Variants in NUP153 observed in about 807,000 individuals in gnomAD.
The protein encoded by NUP153 is nucleoporin 153.
In NUP153, 27 loss-of-function variants were observed where a neutral mutation model predicts 134.6. That is an observed-to-expected ratio of 0.20 (90% CI 0.15 to 0.28). The LOEUF is 0.28. Ranked by LOEUF, NUP153 falls within the 10% of genes least tolerant of loss-of-function variation. The probability of loss-of-function intolerance (pLI) is 1.00; values close to 1 mark genes in which losing one functional copy is unlikely to be tolerated. For missense variants in NUP153, 1,821 were observed against 1,731.3 expected (o/e 1.05, Z -0.92); for synonymous variants, 640 against 623.5 (o/e 1.03, Z -0.40).
chr6:17,678,352 CAAAAA>C (rs11428582), intron 2 of NUP153, among the ~76,000 whole-genome samples: 36 of 68,222 alleles, frequency 5.3e-4, no homozygotes, highest in East Asian at 2.6e-3. Flanking sequence ...CCCTCTGTCT[CAAAAA>C]AAAAAAAAAA....
intron 20 of NUP153, among the ~76,000 whole-genome samples, chr6:17,622,392 C>T (rs182564039): frequency 1.8e-4 from 27 of 152,260 alleles, no homozygotes; most frequent in Admixed American, 1.8e-3. Flanking sequence ...TTGAGCCCAG[C>T]AGGTTGAGGC....
rs369334821 is a variant in NUP153 at position 17,629,067 on chromosome 6, G to C, written c.3132C>G (p.Asn1044Lys). Reference sequence around the variant, plus strand: ...TGGTTCCAAGGTTGAAGCTGCTCTTGTTCTCAGAGGTCACTATGGTGTTAG... The same window carrying C: ...TGGTTCCAAGGTTGAAGCTGCTCTTCTTCTCAGAGGTCACTATGGTGTTAG... Reference protein sequence around the residue: ...APANTIVTSENKSSFNLGTIE... With the variant: ...APANTIVTSEKKSSFNLGTIE... Residue 1044 changes from asparagine to lysine, a missense_variant, in exon 18 of 22, where the codon AAC becomes AAG. Transcript: ENST00000262077. 1.2e-5 allele frequency: 19 copies of C among 1,614,100 alleles called. No individual in the cohort carries two copies. Among genetic ancestry groups the C allele is most frequent in the Middle Eastern group, 1.6e-4 (1 of 6,084 alleles).
rs201371877 is a variant in NUP153 at position 17,634,106 on chromosome 6, A to AC, written c.2465-1263dup. Among the ~76,000 whole-genome samples, 1,147 of 144,844 alleles carry AC rather than the reference A, an allele frequency of 7.9e-3. 6 individuals carry two copies. Among genetic ancestry groups the AC allele is most frequent in the South Asian group, 0.012 (51 of 4,416 alleles). On this transcript the variant is annotated intron_variant, in intron 16 of 21. Coordinates refer to ENST00000262077, the MANE Select transcript of NUP153 (RefSeq NM_005124.4). ...CTTCTACTGCTATTCTGGTTCATGAACCCCCCCCATTACTCCCACCACTAA... is the reference window on the plus strand; with the variant it reads ...CTTCTACTGCTATTCTGGTTCATGAACCCCCCCCCATTACTCCCACCACTAA...
At chr6:17,645,016 C>G (rs562029381) in intron 14 of NUP153, among the ~76,000 whole-genome samples, 1 of 151,890 alleles carries the variant, frequency 6.6e-6, no homozygotes, top group South Asian at 2.1e-4. Context: ...ACCTGGGAGG[C>G]GGAGGTTGCA....
chr6:17,669,045 A>G lies in NUP153; in HGVS notation c.1015-17T>C, dbSNP rs759278619. ...ATCAAGAGGCTGAAAAAAAAAAAAAACACTATTAGAATAGATGGGGAGTTA... is the reference window on the plus strand; with the variant it reads ...ATCAAGAGGCTGAAAAAAAAAAAAAGCACTATTAGAATAGATGGGGAGTTA... On this transcript the variant is annotated splice_polypyrimidine_tract_variant and intron_variant, in intron 7 of 21. Coordinates refer to ENST00000262077, the MANE Select transcript of NUP153 (RefSeq NM_005124.4). 7.6e-6 allele frequency: 11 copies of G among 1,452,896 alleles called. No homozygotes were observed. The Admixed American group carries it at 1.0e-4, about 13-fold the overall frequency. The allele number at this position is 1,452,896 out of a possible 1,614,324, so 90.0% of individuals were successfully genotyped here.
intron 8 of NUP153, among the ~76,000 whole-genome samples, chr6:17,668,527 G>A (rs1193412826): frequency 6.6e-6 from 1 of 152,068 alleles, no homozygotes; most frequent in Non-Finnish European, 1.5e-5. Flanking sequence ...GCAGAAGAGA[G>A]TAAAATGTCC....
chr6:17,618,715 G>A (rs558559032), intron 20 of NUP153, among the ~76,000 whole-genome samples: 8 of 152,042 alleles, frequency 5.3e-5, no homozygotes, highest in East Asian at 3.9e-4. Flanking sequence ...ACAGGCGCCC[G>A]CCACCACGCC....
At position 17,674,984 on chromosome 6, in the gene NUP153, G is replaced by C; in HGVS notation, c.773C>G (p.Pro258Arg). The change falls in exon 5 of 22, where the codon CCT becomes CGT. Residue 258 changes from proline (P) to arginine (R), a missense_variant. Pro to Arg is a moderately radical substitution (Grantham distance 103). Transcript: ENST00000262077. ...GTATGTTGTTTTTCCAGGATAAAAA[G>C]GAGAATCTCCAAGCTGACTGGTTTT... The part of the protein sequence containing the change: ...ILKTSQLGDS[P>R]FYPGKTTYGG... The C allele has an allele frequency of 1.2e-6, 2 of 1,613,444 alleles. No individual in the cohort carries two copies. Among genetic ancestry groups the C allele is most frequent in the Non-Finnish European group, 1.7e-6 (2 of 1,179,582 alleles).
intron 8 of NUP153, 119 bp from the exon 9 acceptor site, chr6:17,665,504 A>T (rs2113821451): frequency 1.4e-6 from 1 of 724,368 alleles, no homozygotes; most frequent in South Asian, 2.0e-5. Context: ...AGAAATATAC[A>T]GTAGATACAA....
intron 21 of NUP153, 52 bp downstream of exon 21, chr6:17,616,475 G>T (rs999539352): frequency 2.0e-6 from 3 of 1,479,214 alleles, no homozygotes; most frequent in African/African-American, 2.8e-5. Context: ...ACATATACAT[G>T]CACATACCCT....
intron 1 of NUP153, among the ~76,000 whole-genome samples, chr6:17,689,632 GTTCAATGGA>G (rs1769161185): frequency 6.6e-6 from 1 of 151,488 alleles, no homozygotes; most frequent in South Asian, 2.1e-4. Context: ...CGCCTCCTGG[GTTCAATGGA>G]TTCTCCTGCC....
chr6:17,701,871 T>C (rs1195718632), intron 1 of NUP153, among the ~76,000 whole-genome samples: 1 of 144,358 alleles, frequency 6.9e-6, no homozygotes, highest in African/African-American at 2.6e-5. Flanking sequence ...GGAACTGACT[T>C]GTAAGACAAA....
In NUP153 at chr6:17,618,756, TG is replaced by T. The variant is rs1020657233; in HGVS notation, c.4175-2062del. Among the ~76,000 whole-genome samples, 14 of 152,110 alleles carry T rather than the reference TG, an allele frequency of 9.2e-5. No homozygotes were observed. The East Asian group carries it at 9.7e-4, about 11-fold the overall frequency. ...AATTTTTTGTATTTCTTAGTAGAGA[TG>T]GGGTTTCACCGTGTTAGCCAGGATG... On this transcript the variant is annotated intron_variant, in intron 20 of 21. Coordinates refer to ENST00000262077, the MANE Select transcript of NUP153 (RefSeq NM_005124.4).
At chr6:17,636,421 T>G (rs906559091) in intron 16 of NUP153, among the ~76,000 whole-genome samples, 1 of 151,836 alleles carries the variant, frequency 6.6e-6, no homozygotes, top group Admixed American at 6.6e-5. Flanking sequence ...GCATGAGGGC[T>G]CAGGCAAAAG....
chr6:17,616,778 C>A, intron 20 of NUP153, 83 bp from the exon 21 acceptor site: 1 of 1,357,448 alleles, frequency 7.4e-7, no homozygotes, highest in Non-Finnish European at 1.0e-6. Flanking sequence ...GAGACGGAGT[C>A]TCGCTCTCTT....
intron 1 of NUP153, among the ~76,000 whole-genome samples, chr6:17,694,726 C>T (rs928650963): frequency 6.6e-6 from 1 of 151,774 alleles, no homozygotes; most frequent in African/African-American, 2.4e-5. Context: ...CTCCTATAAG[C>T]CCAGCGCTTT....
At chr6:17,652,960 C>A (rs146566870) in intron 11 of NUP153, among the ~76,000 whole-genome samples, 1 of 152,082 alleles carries the variant, frequency 6.6e-6, no homozygotes, top group South Asian at 2.1e-4. Flanking sequence ...ACCCACGAGG[C>A]GGAGGTTGCA....
At chr6:17,704,230 T>C (rs1770317205) in intron 1 of NUP153, among the ~76,000 whole-genome samples, 1 of 150,912 alleles carries the variant, frequency 6.6e-6, no homozygotes, top group Non-Finnish European at 1.5e-5. Context: ...AGGCGGAGCT[T>C]GCAGTGAGCC....
intron 7 of NUP153, 95 bp from the exon 8 acceptor site, chr6:17,669,123 G>A: frequency 1.9e-6 from 2 of 1,068,802 alleles, no homozygotes; most frequent in Non-Finnish European, 2.7e-6. Context: ...CTGTCGCCCA[G>A]GCTGGAGTGC....
Sources: allele counts gnomAD v4.1 joint callset (sites outside exome capture counted in the v4.1 genomes callset), GRCh38; gene constraint gnomAD v4.1.1; transcripts MANE v1.5; gene names NCBI Gene and HGNC (gene_info 2026-07-23, HGNC 2026-07-21).